The following BCAS3 variants were observed in gnomAD, a reference collection of about 807,000 sequenced individuals.
BCAS3 encodes BCAS3 microtubule associated cell migration factor, also known as BCAS4/BCAS3 fusion.
Under a neutral mutation model 116.1 loss-of-function variants are expected in BCAS3, and 53 were observed. The observed-to-expected ratio is 0.46, with a 90% CI of 0.37 to 0.57. BCAS3 has a LOEUF of 0.57. Ranked by LOEUF, BCAS3 falls within the 20% of genes least tolerant of loss-of-function variation. The pLI is 0.00. For synonymous variants in BCAS3, 391 were observed against 408.2 expected, an observed-to-expected ratio of 0.96 and a Z score of 0.51; for missense variants, 917 against 1,165.4, an observed-to-expected ratio of 0.79 and a Z score of 3.10.
intron 22 of BCAS3, among the ~76,000 whole-genome samples, chr17:61,234,807 A>G (rs911076987): frequency 2.0e-5 from 3 of 149,738 alleles, no homozygotes; most frequent in Non-Finnish European, 3.0e-5. Flanking sequence ...AAAAAAAATC[A>G]TAGTACTGCT....
At chr17:61,175,611 T>A (rs944475721) in intron 22 of BCAS3, among the ~76,000 whole-genome samples, 1 of 152,252 alleles carries the variant, frequency 6.6e-6, no homozygotes, top group Non-Finnish European at 1.5e-5. Flanking sequence ...ATGATAGCTC[T>A]ATTTTTAATT....
intron 14 of BCAS3, among the ~76,000 whole-genome samples, chr17:60,985,498 C>T (rs186595742): frequency 4.7e-4 from 72 of 152,212 alleles, no homozygotes; most frequent in African/African-American, 1.6e-3. Context: ...TTATTATTGA[C>T]TATAGTCACC....
In BCAS3 at chr17:60,960,847, A is replaced by G. The variant is rs138711512; in HGVS notation, c.1221+13495A>G. ...AGATGGCGGTGTTTCTGCAGATACT[A>G]CATTCTCAAAAACCTTGTGTATCTC... On this transcript the variant is annotated intron_variant, in intron 14 of 23. Transcript: ENST00000407086. This position sits in a 1 kb window ranked among gnomAD's most constrained non-coding sequence, Gnocchi z 4.1. Among the ~76,000 whole-genome samples, 2 of 151,270 alleles carry G rather than the reference A, an allele frequency of 1.3e-5. No individual in the cohort carries two copies. The highest frequency in any genetic ancestry group is 2.9e-5 in the Non-Finnish European group (2 of 67,848).
rs5821300 is a variant in BCAS3, at chr17:61,105,777, GAA to G, written c.2425+21222_2425+21223del. 1.3e-5 allele frequency among the ~76,000 whole-genome samples: 2 copies of G among 150,400 alleles called. No individual in the cohort carries two copies. The highest frequency in any genetic ancestry group is 3.9e-4 in the East Asian group (2 of 5,144). ...TTGCTTTAAGTGTTGGGAGAAAATGGAAAAAAAAAAGTTAGAGCTTTAGTACT... is the reference window on the plus strand; with the variant it reads ...TTGCTTTAAGTGTTGGGAGAAAATGGAAAAAAAAGTTAGAGCTTTAGTACT... On this transcript the variant is annotated intron_variant, in intron 22 of 23. Coordinates refer to ENST00000407086, the MANE Select transcript of BCAS3 (RefSeq NM_017679.5). The surrounding 1 kb of genome is among the most constrained non-coding windows in gnomAD (Gnocchi z 4.3).
At chr17:61,099,109 G>A (rs568195363) in intron 22 of BCAS3, among the ~76,000 whole-genome samples, 40 of 152,204 alleles carry the variant, frequency 2.6e-4, no homozygotes, top group African/African-American at 8.9e-4. Flanking sequence ...GGGTGACAGA[G>A]TGAGACTCTG....
chr17:60,975,087 C>T (rs1008917186), intron 14 of BCAS3, among the ~76,000 whole-genome samples: 44 of 151,078 alleles, frequency 2.9e-4, no homozygotes, highest in Non-Finnish European at 3.5e-4. Flanking sequence ...CTGCAAGCTC[C>T]GCCTCCCGGG....
Position 60,889,734 on chromosome 17 carries a change from C to T in BCAS3, c.701C>T (p.Ala234Val), listed in dbSNP as rs2057006951. ...CCAGGGCCAAACATGAATCCTATTG[C>T]TCTTGGGAGCCGCTGGCTTGCTTAT... Reference protein sequence around the residue: ...PCPGPNMNPIALGSRWLAYAE... With the variant: ...PCPGPNMNPIVLGSRWLAYAE... Residue 234 changes from alanine (A) to valine (V), a missense_variant, in exon 10 of 24, where the codon GCT (alanine) becomes GTT (valine). Coordinates refer to ENST00000407086, the MANE Select transcript of BCAS3 (RefSeq NM_017679.5). 6.2e-7 allele frequency: 1 copy of T among 1,613,224 alleles called. No homozygotes were observed. The highest frequency in any genetic ancestry group is 1.3e-5 in the African/African-American group (1 of 74,888).
chr17:60,900,364 C>T (rs1400276370), intron 10 of BCAS3, among the ~76,000 whole-genome samples: 4 of 151,976 alleles, frequency 2.6e-5, no homozygotes, highest in African/African-American at 9.7e-5. Flanking sequence ...TAGAGGGTCT[C>T]TTTCCTGGCT....
chr17:60,810,125 A>G, intron 7 of BCAS3: 1 of 343,480 alleles, frequency 2.9e-6, no homozygotes. Context: ...GTCTTCAGAA[A>G]AGCCTGAGTC....
rs1169423577 is a variant in BCAS3, at chr17:60,975,298, G to A, written c.1222-14673G>A. Among the ~76,000 whole-genome samples, 4 of 152,148 alleles carry A rather than the reference G, an allele frequency of 2.6e-5. No homozygotes were observed. In the East Asian group the frequency reaches 7.7e-4, roughly 29 times the overall value. The stretch of plus-strand genomic sequence containing the variant: ...TTACAGGCGTGAGCCACCGCGCCCG[G>A]CCTCAAGCCATTTGTTTAACCCAAC... On this transcript the variant is annotated intron_variant, in intron 14 of 23. Transcript: ENST00000407086.
intron 7 of BCAS3, among the ~76,000 whole-genome samples, chr17:60,846,530 T>G (rs1442089432): frequency 6.6e-6 from 1 of 152,212 alleles, no homozygotes; most frequent in East Asian, 1.9e-4. Flanking sequence ...GAGAGAAGTA[T>G]GTTGAAGTCT....
rs773136829 is a variant in BCAS3 at position 61,366,291 on chromosome 17, G to T, written c.2426-2036G>T. Among the ~76,000 whole-genome samples the T allele has an allele frequency of 2.6e-5, 4 of 152,212 alleles. No individual in the cohort carries two copies. The highest frequency in any genetic ancestry group is 5.9e-5 in the Non-Finnish European group (4 of 68,042). On this transcript the variant is annotated intron_variant, in intron 22 of 23. Transcript: ENST00000407086. The surrounding 1 kb of genome is among the most constrained non-coding windows in gnomAD (Gnocchi z 4.5). ...GATCTTGTCAAATAAGGTCTAGTGGGGGAAGTGCTGGAAGTGGGGACTTTG... is the reference window on the plus strand; with the variant it reads ...GATCTTGTCAAATAAGGTCTAGTGGTGGAAGTGCTGGAAGTGGGGACTTTG...
At chr17:60,981,935 A>G (rs1244343769) in intron 14 of BCAS3, among the ~76,000 whole-genome samples, 1 of 152,182 alleles carries the variant, frequency 6.6e-6, no homozygotes, top group Admixed American at 6.5e-5. Context: ...TATTTTCATA[A>G]TCTTCTATAA....
At chr17:60,819,742 A>C (rs538274805) in intron 7 of BCAS3, among the ~76,000 whole-genome samples, 5 of 139,702 alleles carry the variant, frequency 3.6e-5, no homozygotes, top group Admixed American at 7.4e-5. Flanking sequence ...CTTCCCTCCT[A>C]CCCTCCCCCT....
At chr17:61,003,375 C>A (rs187668179) in intron 15 of BCAS3, among the ~76,000 whole-genome samples, 1 of 108,538 alleles carries the variant, frequency 9.2e-6, no homozygotes, top group African/African-American at 5.0e-5. Flanking sequence ...TTATTATGCC[C>A]TCCCCTCCCC....
In BCAS3 at chr17:61,128,591, A is replaced by T. The variant is rs1416714080; in HGVS notation, c.2425+44027A>T. On this transcript the variant is annotated intron_variant, in intron 22 of 23. Transcript: ENST00000407086. The surrounding 1 kb of genome is among the most constrained non-coding windows in gnomAD (Gnocchi z 4.1). ...TCCCCAGCACTTATAAAATAAAAAA[A>T]GTATGGAGAGAGAGAAAGCAAGTAA... is the stretch of plus-strand genomic sequence containing the variant. 1 of 985,234 alleles carries T rather than the reference A, an allele frequency of 1.0e-6. No homozygotes were observed. The highest frequency in any genetic ancestry group is 1.2e-6 in the Non-Finnish European group (1 of 829,854). 61.0% of individuals were successfully genotyped at this position (985,234 alleles called of 1,614,324 possible).
chr17:60,772,459 C>A (rs1178369297), intron 6 of BCAS3, among the ~76,000 whole-genome samples: 1 of 152,042 alleles, frequency 6.6e-6, no homozygotes, highest in Non-Finnish European at 1.5e-5. Context: ...GATATTAGCC[C>A]TTTGTCAGAT....
intron 7 of BCAS3, among the ~76,000 whole-genome samples, chr17:60,833,581 T>C (rs2051123412): frequency 6.6e-6 from 1 of 152,216 alleles, no homozygotes; most frequent in Non-Finnish European, 1.5e-5. Context: ...TCTGTGACCA[T>C]TCATTCATAT....
In BCAS3 at chr17:61,127,746, G is replaced by A. The variant is rs909051518; in HGVS notation, c.2425+43182G>A. On this transcript the variant is annotated intron_variant, in intron 22 of 23. Transcript: ENST00000407086. ...TAATGTCTGTCATCATTGGTAAACT[G>A]TATGCTTGAAAATTACTCCTCAGAT... Among the ~76,000 whole-genome samples the A allele has an allele frequency of 4.7e-5, 7 of 148,240 alleles. No homozygotes were observed. The Admixed American group carries it at 4.8e-4, about 10-fold the overall frequency.
Sources: gnomAD v4.1 joint callset for allele counts (sites outside exome capture counted in the v4.1 genomes callset) on GRCh38, gnomAD v4.1.1 for gene constraint, Gnocchi (gnomAD v3.1) non-coding constraint, MANE v1.5 for transcripts, NCBI Gene and HGNC (gene_info 2026-07-23, HGNC 2026-07-21) for gene names.